The following PANK1 variants were observed in gnomAD, a reference collection of about 807,000 sequenced individuals.
The protein encoded by PANK1 is pantothenic acid kinase 1.
In PANK1, 18 loss-of-function variants were observed where a neutral mutation model predicts 40.1. The observed-to-expected ratio is 0.45, with a 90% CI of 0.31 to 0.67. PANK1 has a LOEUF of 0.67. Among genes scored for constraint, PANK1 ranks in the 30% least tolerant of loss-of-function variants. PANK1 has a pLI of 0.06. For missense variants in PANK1, 457 were observed against 599.6 expected, an observed-to-expected ratio of 0.76 and a Z score of 2.48; for synonymous variants, 242 against 237.7, an observed-to-expected ratio of 1.02 and a Z score of -0.17.
chr10:89,645,075 T>TGCCGACTCCCCCACCTCCTCC lies in PANK1; in HGVS notation c.-185_-184insGGAGGAGGTGGGGGAGTCGGC, dbSNP rs1842077418. On this transcript the variant is annotated 5_prime_UTR_variant, in exon 1 of 7. Coordinates refer to ENST00000307534, the MANE Select transcript of PANK1 (RefSeq NM_148977.3). ...CTCCTGCCGACTCCCCCACCTCCTC[T>TGCCGACTCCCCCACCTCCTCC]GCGCCCTGCCCCCCGCGCGCCGGCC... 2 of 1,540,580 alleles carry TGCCGACTCCCCCACCTCCTCC rather than the reference T, an allele frequency of 1.3e-6. No homozygotes were observed. The highest frequency in any genetic ancestry group is 2.0e-5 in the Admixed American group (1 of 49,018).
chr10:89,639,506 G>A (rs1589822850), intron 1 of PANK1, among the ~76,000 whole-genome samples: 1 of 152,276 alleles, frequency 6.6e-6, no homozygotes, highest in Non-Finnish European at 1.5e-5. Flanking sequence ...TCCACATTGG[G>A]TTCTTACTAC....
Position 89,599,243 on chromosome 10 carries a change from C to T in PANK1, c.899+9G>A. On this transcript the variant is annotated intron_variant, in intron 3 of 6. Transcript: ENST00000307534. ...GTCTGGGTTCAAGCACAAGCAGAAACATGTTTACCTGGTCCCTGTAACTCT... is the reference window on the plus strand; with the variant it reads ...GTCTGGGTTCAAGCACAAGCAGAAATATGTTTACCTGGTCCCTGTAACTCT... The T allele has an allele frequency of 1.2e-6, 2 of 1,609,936 alleles. No individual in the cohort carries two copies.
chr10:89,598,486 A>G (rs1349218436), intron 3 of PANK1, among the ~76,000 whole-genome samples: 4 of 152,248 alleles, frequency 2.6e-5, no homozygotes, highest in Non-Finnish European at 5.9e-5. Context: ...AATGGGTTCT[A>G]TGGTTCCACA....
intron 2 of PANK1, among the ~76,000 whole-genome samples, chr10:89,609,265 A>G (rs1217117255): frequency 1.3e-5 from 2 of 152,082 alleles, no homozygotes; most frequent in Non-Finnish European, 2.9e-5. Context: ...GGGTTACACC[A>G]TGTTGGCCAG....
chr10:89,599,518 A>C lies in PANK1; in HGVS notation c.646-13T>G, dbSNP rs1844711725. The C allele has an allele frequency of 1.2e-6, 2 of 1,608,614 alleles. No individual in the cohort carries two copies. The highest frequency in any genetic ancestry group is 1.7e-6 in the Non-Finnish European group (2 of 1,176,880). On this transcript the variant is annotated splice_polypyrimidine_tract_variant and intron_variant, in intron 2 of 6. Coordinates refer to ENST00000307534, the MANE Select transcript of PANK1 (RefSeq NM_148977.3). The stretch of plus-strand genomic sequence containing the variant: ...GCAGGTCAGCAATCTAAAACAAAAC[A>C]CACAACAAAATAAAACCTTGTGAGA...
chr10:89,623,588 T>C (rs1187673695), intron 1 of PANK1, among the ~76,000 whole-genome samples: 1 of 152,054 alleles, frequency 6.6e-6, no homozygotes, highest in Non-Finnish European at 1.5e-5. Context: ...TTTAAATTCT[T>C]AAAAACTTCT....
rs1389010035 is a variant in PANK1 at position 89,595,826 on chromosome 10, AAAAAAAAATATATATATATATATAT to A, written c.900-1862_900-1838del. 1.6e-3 allele frequency among the ~76,000 whole-genome samples: 125 copies of A among 77,006 alleles called. 9 individuals carry two copies. Among genetic ancestry groups the A allele is most frequent in the African/African-American group, 6.3e-3 (117 of 18,590 alleles). 50.5% of individuals were successfully genotyped at this position (77,006 alleles called of 152,430 possible). ...AGCCGGACTCCATCTTAAAAAAAAA[AAAAAAAAATATATATATATATATAT>A]ATATATATATATATATATATATAAC... On this transcript the variant is annotated intron_variant, in intron 3 of 6. Transcript: ENST00000307534.
intron 2 of PANK1, among the ~76,000 whole-genome samples, chr10:89,608,699 T>C (rs1372335520): frequency 1.3e-5 from 2 of 152,248 alleles, no homozygotes; most frequent in African/African-American, 4.8e-5. Flanking sequence ...AGTTGTGTTA[T>C]ACCAAAAACA....
chr10:89,585,513 T>C (rs1449285445), intron 6 of PANK1, among the ~76,000 whole-genome samples: 1 of 152,080 alleles, frequency 6.6e-6, no homozygotes, highest in East Asian at 1.9e-4. Flanking sequence ...GCTGCTGCTG[T>C]CTGCTTACAT....
At chr10:89,612,819 T>G (rs192302544) in intron 1 of PANK1, among the ~76,000 whole-genome samples, 4 of 152,346 alleles carry the variant, frequency 2.6e-5, no homozygotes. Flanking sequence ...ATATTCAATT[T>G]CTGGCCTCCT....
chr10:89,592,965 T>G (rs949099285), intron 5 of PANK1: 15 of 558,956 alleles, frequency 2.7e-5, no homozygotes, highest in Non-Finnish European at 4.3e-5. Context: ...TTGTATCCTG[T>G]TTCCACAGGT....
chr10:89,582,137 CTA>C (rs1220632484), downstream of PANK1: 1 of 152,110 alleles, frequency 6.6e-6, no homozygotes, highest in Non-Finnish European at 1.5e-5. Context: ...GGTGAGGAAA[CTA>C]TGGTTTAGAA....
At position 89,631,987 on chromosome 10, in the gene PANK1, TAA is replaced by T. The variant is rs201819245; in HGVS notation, c.292+12611_292+12612del. On this transcript the variant is annotated intron_variant, in intron 1 of 6. Transcript: ENST00000307534. ...GTGTGTGTGTGTGTGTTTTTTTTTT[TAA>T]AAAGGGTTCTTTTCTTTTGGAAATA... Among the ~76,000 whole-genome samples the T allele has an allele frequency of 2.4e-3, 358 of 150,798 alleles. 1 individual carries two copies. Among genetic ancestry groups the T allele is most frequent in the African/African-American group, 6.8e-3 (281 of 41,164 alleles).
chr10:89,604,972 C>T (rs968104049), intron 2 of PANK1, among the ~76,000 whole-genome samples: 7 of 151,282 alleles, frequency 4.6e-5, no homozygotes, highest in Admixed American at 2.0e-4. Context: ...AGGATGGTCT[C>T]GATCTCCTGA....
intron 1 of PANK1, among the ~76,000 whole-genome samples, chr10:89,621,273 CCTGG>C (rs1215068534): frequency 6.6e-6 from 1 of 151,666 alleles, no homozygotes; most frequent in East Asian, 1.9e-4. Context: ...TGCACTCCAG[CCTGG>C]GCAATAAGAG....
In PANK1 at chr10:89,593,328, G is replaced by C. The variant is rs757236259; in HGVS notation, c.1077-8C>G. ...CTCATCATGTTGCCAAAGCTATGTTGGAAATATCAGCGAGAGTGTTCAAAA... is the reference window on the plus strand; with the variant it reads ...CTCATCATGTTGCCAAAGCTATGTTCGAAATATCAGCGAGAGTGTTCAAAA... On this transcript the variant is annotated splice_region_variant and splice_polypyrimidine_tract_variant and intron_variant, in intron 4 of 6. Coordinates refer to ENST00000307534, the MANE Select transcript of PANK1 (RefSeq NM_148977.3). The C allele has an allele frequency of 6.2e-7, 1 of 1,613,108 alleles. No individual in the cohort carries two copies. Among genetic ancestry groups the C allele is most frequent in the Middle Eastern group, 1.7e-4 (1 of 5,888 alleles).
chr10:89,608,092 T>C (rs7076646), intron 2 of PANK1, among the ~76,000 whole-genome samples: 84,556 of 149,484 alleles, frequency 0.57, 24,390 homozygotes, highest in South Asian at 0.63. Context: ...AGTGCAGTGT[T>C]GCCATCTCAG....
chr10:89,597,389 C>G (rs1844642916), intron 3 of PANK1, among the ~76,000 whole-genome samples: 1 of 152,178 alleles, frequency 6.6e-6, no homozygotes, highest in Non-Finnish European at 1.5e-5. Context: ...TGAAAGGGTT[C>G]TCTATTAACC....
intron 1 of PANK1, among the ~76,000 whole-genome samples, chr10:89,630,828 T>TA (rs144525379): frequency 0.17 from 26,445 of 151,668 alleles, 2,559 homozygotes; most frequent in Non-Finnish European, 0.22. Flanking sequence ...TTTAAATAGT[T>TA]AAAAAAAAAT....
Sources: gnomAD v4.1 joint callset for allele counts (sites outside exome capture counted in the v4.1 genomes callset) on GRCh38, gnomAD v4.1.1 for gene constraint, MANE v1.5 for transcripts, NCBI Gene and HGNC (gene_info 2026-07-23, HGNC 2026-07-21) for gene names.